The following IL7 variants were observed in gnomAD, a reference collection of about 807,000 sequenced individuals.
IL7 encodes interleukin 7.
Under a neutral mutation model 21.6 loss-of-function variants are expected in IL7, and 3 were observed. The ratio of observed to expected loss-of-function variants is 0.14; its 90% CI spans 0.06 to 0.36. The LOEUF (loss-of-function observed/expected upper bound fraction) is 0.36, where lower values mean the gene tolerates loss of function less well. Ranked by LOEUF, IL7 falls within the 10% of genes least tolerant of loss-of-function variation. The pLI is 1.00. For synonymous variants in IL7, 62 were observed against 68.1 expected, an observed-to-expected ratio of 0.91 and a Z score of 0.44; for missense variants, 175 against 200.2, an observed-to-expected ratio of 0.87 and a Z score of 0.76.
intron 2 of IL7, among the ~76,000 whole-genome samples, chr8:78,767,103 T>G (rs757202233): frequency 6.6e-6 from 1 of 152,126 alleles, no homozygotes; most frequent in Non-Finnish European, 1.5e-5. Context: ...CTTATCCACT[T>G]TCTTATAAGT....
rs113856923 is a variant in IL7, at chr8:78,787,659, G to C, written c.147+10413C>G. 3.5e-3 allele frequency among the ~76,000 whole-genome samples: 526 copies of C among 152,178 alleles called. 3 individuals are homozygous for C. The highest frequency in any genetic ancestry group is 0.012 in the African/African-American group (492 of 41,516). ...CAAGTTTCCTCCCAACTGAGAAAGA[G>C]GTGTTTTGCTTTTCATAGAGACTAC... On this transcript the variant is annotated intron_variant, in intron 2 of 5. Coordinates refer to ENST00000263851, the MANE Select transcript of IL7 (RefSeq NM_000880.4).
rs76977189 is a variant in IL7 at position 78,726,594 on chromosome 8, A to T, written n.268-5154T>A. Among the ~76,000 whole-genome samples the T allele has an allele frequency of 4.4e-3, 669 of 152,144 alleles. 6 individuals are homozygous for T. The highest frequency in any genetic ancestry group is 0.015 in the African/African-American group (643 of 41,532). On this transcript the variant is annotated intron_variant and non_coding_transcript_variant, in intron 3 of 6. Transcript: ENST00000519833. ...AAGCAAGAGAAAATAATTGTCTCCC[A>T]TTCCTCCCTAAAGTGGTCACAGGTA...
intron 2 of IL7, among the ~76,000 whole-genome samples, chr8:78,744,531 G>C (rs1329609149): frequency 1.3e-5 from 2 of 152,150 alleles, no homozygotes; most frequent in African/African-American, 4.8e-5. Flanking sequence ...ACTGCTGCTG[G>C]TGGCTGGCTG....
chr8:78,699,437 A>G (rs564875807), intron 3 of IL7, among the ~76,000 whole-genome samples: 3 of 152,294 alleles, frequency 2.0e-5, no homozygotes, highest in African/African-American at 7.2e-5. Context: ...TCAGTTGATT[A>G]ATGAAATACA....
At chr8:78,678,215 C>T (rs564922755) in intron 4 of IL7, among the ~76,000 whole-genome samples, 4 of 152,240 alleles carry the variant, frequency 2.6e-5, no homozygotes, top group African/African-American at 9.6e-5. Context: ...CAGTAGGTTT[C>T]AGCCTCATTT....
intron 3 of IL7, among the ~76,000 whole-genome samples, chr8:78,709,490 A>G (rs1810886972): frequency 6.6e-6 from 1 of 152,188 alleles, no homozygotes; most frequent in Non-Finnish European, 1.5e-5. Context: ...TTATGTGGAT[A>G]ACAATGATTG....
At chr8:78,683,304 G>A (rs941064302) in intron 4 of IL7, among the ~76,000 whole-genome samples, 11 of 152,182 alleles carry the variant, frequency 7.2e-5, no homozygotes, top group Non-Finnish European at 1.6e-4. Context: ...TGAGGGCCCC[G>A]CCCCTGAAAC....
chr8:78,775,465 A>G (rs1434119097), intron 2 of IL7, among the ~76,000 whole-genome samples: 1 of 152,122 alleles, frequency 6.6e-6, no homozygotes, highest in Non-Finnish European at 1.5e-5. Context: ...ACCAAACTAG[A>G]GTTTGTGGAT....
At chr8:78,779,332 C>G (rs911656274) in intron 2 of IL7, among the ~76,000 whole-genome samples, 11 of 152,284 alleles carry the variant, frequency 7.2e-5, no homozygotes, top group African/African-American at 2.4e-4. Context: ...TAGAGGAATG[C>G]TTCCAGCTTT....
intron 1 of IL7, among the ~76,000 whole-genome samples, chr8:78,804,512 C>T (rs752999709): frequency 6.6e-6 from 1 of 152,186 alleles, no homozygotes; most frequent in African/African-American, 2.4e-5. Context: ...CCCAGCTACT[C>T]GCCGAACCCG....
At chr8:78,716,097 T>C (rs980863456), downstream of IL7, among the ~76,000 whole-genome samples, 1 of 151,238 alleles carries the variant, frequency 6.6e-6, no homozygotes, top group African/African-American at 2.4e-5. Flanking sequence ...TATTTTACCT[T>C]TATTACTGTT....
intron 2 of IL7, among the ~76,000 whole-genome samples, chr8:78,763,868 G>A (rs1812661796): frequency 6.6e-6 from 1 of 151,966 alleles, no homozygotes. Flanking sequence ...CAAAGACACT[G>A]CAAGAAAATA....
In IL7 at chr8:78,779,859, T is replaced by C. The variant is rs543823281; in HGVS notation, c.147+18213A>G. 3.3e-5 allele frequency among the ~76,000 whole-genome samples: 5 copies of C among 152,252 alleles called. No homozygotes were observed. In the East Asian group the frequency reaches 9.7e-4, roughly 29 times the overall value. On this transcript the variant is annotated intron_variant, in intron 2 of 5. Coordinates refer to ENST00000263851, the MANE Select transcript of IL7 (RefSeq NM_000880.4). ...CTGGTAGAATTCAGCTCTAAATCTG[T>C]CTGGTCGCGGGTTTTCTTGGTTGGC...
At chr8:78,804,257 C>G (rs1814209686) in intron 1 of IL7, among the ~76,000 whole-genome samples, 2 of 151,886 alleles carry the variant, frequency 1.3e-5, no homozygotes, top group South Asian at 4.2e-4. Context: ...AAGAAGCGCC[C>G]GTAGGAAAAA....
chr8:78,676,531 A>C (rs1056525862), intron 4 of IL7, among the ~76,000 whole-genome samples: 1 of 152,034 alleles, frequency 6.6e-6, no homozygotes, highest in Non-Finnish European at 1.5e-5. Context: ...TTCAAACACA[A>C]ATACACATTT....
intron 3 of IL7, among the ~76,000 whole-genome samples, chr8:78,690,747 T>C (rs988329740): frequency 2.0e-5 from 3 of 152,196 alleles, no homozygotes; most frequent in Non-Finnish European, 2.9e-5. Flanking sequence ...TTATATTTTC[T>C]GATCATTTAG....
chr8:78,781,413 T>C (rs1813326653), intron 2 of IL7, among the ~76,000 whole-genome samples: 1 of 152,206 alleles, frequency 6.6e-6, no homozygotes, highest in Admixed American at 6.5e-5. Flanking sequence ...GCAGGCCTGG[T>C]GATGACAAAT....
chr8:78,782,529 C>T (rs975785111), intron 2 of IL7, among the ~76,000 whole-genome samples: 1 of 152,078 alleles, frequency 6.6e-6, no homozygotes, highest in Non-Finnish European at 1.5e-5. Flanking sequence ...TGGGTCTCTC[C>T]CACCCCTGGG....
chr8:78,799,482 AC>A (rs2130847837), intron 1 of IL7, among the ~76,000 whole-genome samples: 1 of 152,286 alleles, frequency 6.6e-6, no homozygotes, highest in South Asian at 2.1e-4. Flanking sequence ...AGTAAGAGAA[AC>A]AAAAATTGAT....
Sources: gnomAD v4.1 joint callset for allele counts (sites outside exome capture counted in the v4.1 genomes callset) on GRCh38, gnomAD v4.1.1 for gene constraint, MANE v1.5 for transcripts, NCBI Gene and HGNC (gene_info 2026-07-23, HGNC 2026-07-21) for gene names.